The following S100PBP variants were observed in gnomAD, a reference collection of about 807,000 sequenced individuals.
The protein encoded by S100PBP is S100P binding protein.
S100PBP carries 15 observed loss-of-function variants against 39.9 expected under a neutral mutation model. The observed-to-expected ratio is 0.38, with a 90% confidence interval of 0.25 to 0.58. The LOEUF (loss-of-function observed/expected upper bound fraction) is 0.58, where lower values mean the gene tolerates loss of function less well. Among genes scored for constraint, S100PBP ranks in the 20% least tolerant of loss-of-function variants. The pLI is 0.70. For synonymous variants in S100PBP, 178 were observed against 180.3 expected (o/e 0.99, Z 0.10); for missense variants, 504 against 487.3 (o/e 1.03, Z -0.32).
Position 32,853,138 on chromosome 1 carries a change from TGGCAGCATCCTTC to T in S100PBP, c.1087_1099del (p.Gln363ThrfsTer19). On this transcript the variant is annotated frameshift_variant, in exon 6 of 7. Transcript: ENST00000373475. LOFTEE classifies it high-confidence loss of function. ...AGTTCATCATATGCAGCACTCAAAA[TGGCAGCATCCTTC>T]GGACCTCACCACGCGGTGAGTGGGT... The T allele has an allele frequency of 6.2e-7, 1 of 1,613,006 alleles. No homozygotes were observed. The highest frequency in any genetic ancestry group is 8.5e-7 in the Non-Finnish European group (1 of 1,179,788).
intron 5 of S100PBP, among the ~76,000 whole-genome samples, chr1:32,844,489 T>A (rs1640266348): frequency 6.6e-6 from 1 of 152,122 alleles, no homozygotes. Context: ...TGTTACTAAT[T>A]TTTATGAGAT....
intron 5 of S100PBP, among the ~76,000 whole-genome samples, chr1:32,837,329 A>G (rs979544177): frequency 1.3e-5 from 2 of 148,982 alleles, no homozygotes; most frequent in African/African-American, 2.5e-5. Context: ...CCTGTTGCCC[A>G]GGCTGGAGTG....
intron 6 of S100PBP, among the ~76,000 whole-genome samples, chr1:32,854,271 A>AT (rs1640739411): frequency 6.6e-6 from 1 of 152,158 alleles, no homozygotes; most frequent in Non-Finnish European, 1.5e-5. Flanking sequence ...TCCTTATATA[A>AT]AATGCCATAG....
At chr1:32,817,105 T>A, upstream of S100PBP, 1 of 1,568,788 alleles carries the variant, frequency 6.4e-7, no homozygotes, top group Non-Finnish European at 8.8e-7. Flanking sequence ...CCCCACATAC[T>A]TAGAACCCCG....
intron 5 of S100PBP, among the ~76,000 whole-genome samples, chr1:32,849,000 A>T (rs1350939745): frequency 6.6e-6 from 1 of 152,196 alleles, no homozygotes; most frequent in African/African-American, 2.4e-5. Context: ...AAATGTTCCC[A>T]TTCTTGTTAG....
chr1:32,817,288 C>T (rs376449654), upstream of S100PBP: 12 of 1,611,556 alleles, frequency 7.4e-6, no homozygotes, highest in African/African-American at 1.5e-4. Flanking sequence ...GGCACCAGAG[C>T]CCCTTCCTGG....
Position 32,830,063 on chromosome 1 carries a change from C to A in S100PBP, c.1020C>A (p.Asn340Lys), listed in dbSNP as rs145706037. The stretch of plus-strand genomic sequence containing the variant: ...ATATAGAAGACCCAGAGGACACTAA[C>A]CAAGGTAACATGGTACCCAGAGAAA... ...IAHIEDPEDT[N>K]QGISGELCAL... Residue 340 changes from asparagine to lysine, a missense_variant, in exon 5 of 7, where the codon AAC (asparagine) becomes AAA (lysine). Coordinates refer to ENST00000373475, the MANE Select transcript of S100PBP (RefSeq NM_022753.4). 1 of 1,589,976 alleles carries A rather than the reference C, an allele frequency of 6.3e-7. No individual in the cohort carries two copies. The highest frequency in any genetic ancestry group is 8.6e-7 in the Non-Finnish European group (1 of 1,158,438).
chr1:32,817,205 T>A (rs763337272), upstream of S100PBP: 94 of 1,614,026 alleles, frequency 5.8e-5, no homozygotes, highest in Non-Finnish European at 7.7e-5. Context: ...TTCCGGGTGA[T>A]AAGGTGCAGT....
chr1:32,817,479 G>T, upstream of S100PBP: 1 of 614,138 alleles, frequency 1.6e-6, no homozygotes, highest in Non-Finnish European at 2.9e-6. Context: ...GGGCACGGTG[G>T]GCGGTGCGGA....
chr1:32,818,261 G>C (rs977503896), intron 1 of S100PBP: 2 of 152,328 alleles, frequency 1.3e-5, no homozygotes, highest in Admixed American at 1.3e-4. Context: ...CCCGGGGGAG[G>C]GAGACGCAAA....
chr1:32,846,252 G>A (rs1325207322), intron 5 of S100PBP, among the ~76,000 whole-genome samples: 1 of 152,004 alleles, frequency 6.6e-6, no homozygotes, highest in African/African-American at 2.4e-5. Flanking sequence ...GCCTCCCAAA[G>A]TGCTGGGATT....
intron 1 of S100PBP, among the ~76,000 whole-genome samples, chr1:32,823,020 G>A (rs1476763952): frequency 2.0e-5 from 3 of 152,024 alleles, no homozygotes; most frequent in African/African-American, 7.3e-5. Context: ...AGATGTAGTG[G>A]GAAAAACATT....
chr1:32,839,754 C>G (rs1640003933), intron 5 of S100PBP, among the ~76,000 whole-genome samples: 1 of 152,128 alleles, frequency 6.6e-6, no homozygotes, highest in Non-Finnish European at 1.5e-5. Context: ...AAACTATCCT[C>G]CCACCCCAGC....
intron 5 of S100PBP, chr1:32,837,157 CAAAAAAAAAA>C (rs530366757): frequency 2.7e-5 from 1 of 37,332 alleles, no homozygotes; most frequent in African/African-American, 1.1e-4. Flanking sequence ...GACTCCATCT[CAAAAAAAAAA>C]AAAAAAAAAA....
intron 5 of S100PBP, among the ~76,000 whole-genome samples, chr1:32,838,992 G>A (rs1639970098): frequency 6.6e-6 from 1 of 152,088 alleles, no homozygotes; most frequent in African/African-American, 2.4e-5. Flanking sequence ...TGAAGGTCTT[G>A]CTGTATTTCC....
In S100PBP at chr1:32,851,777, G is replaced by T. The variant is rs144102867; in HGVS notation, c.1025-1302G>T. ...AAATTCTCAGGCCCTACCCAGATCT[G>T]TAGTTTTCTGATTATGTATAATCAG... On this transcript the variant is annotated intron_variant, in intron 5 of 6. Transcript: ENST00000373475. 3.1e-4 allele frequency among the ~76,000 whole-genome samples: 47 copies of T among 152,276 alleles called. No homozygotes were observed. In the East Asian group the frequency reaches 8.3e-3, roughly 27 times the overall value.
chr1:32,835,168 T>C (rs1557496016), intron 5 of S100PBP: 1 of 152,138 alleles, frequency 6.6e-6, no homozygotes, highest in Non-Finnish European at 1.5e-5. Context: ...TTTCTAAATA[T>C]ATAATTTCTT....
At chr1:32,817,298 G>A, upstream of S100PBP, 1 of 1,606,276 alleles carries the variant, frequency 6.2e-7, no homozygotes, top group Admixed American at 1.7e-5. Flanking sequence ...CCCCTTCCTG[G>A]GTCACCGTCG....
chr1:32,854,426 TG>T (rs1640744056), intron 6 of S100PBP, among the ~76,000 whole-genome samples: 1 of 152,238 alleles, frequency 6.6e-6, no homozygotes, highest in Admixed American at 6.5e-5. Flanking sequence ...TGTCTATACA[TG>T]TTCGATACAG....
Sources: allele counts gnomAD v4.1 joint callset (sites outside exome capture counted in the v4.1 genomes callset), GRCh38; gene constraint gnomAD v4.1.1; transcripts MANE v1.5; gene names NCBI Gene and HGNC (gene_info 2026-07-23, HGNC 2026-07-21).